The following GPC3 variants were observed in gnomAD, a reference collection of about 807,000 sequenced individuals.
The protein encoded by GPC3 is glypican 3.
In GPC3, 3 loss-of-function variants were observed where a neutral mutation model predicts 34.4. The ratio of observed to expected loss-of-function variants is 0.09; its 90% confidence interval spans 0.04 to 0.23. GPC3 has a LOEUF of 0.23. Ranked by LOEUF, GPC3 falls within the 10% of genes least tolerant of loss-of-function variation. GPC3 has a pLI of 1.00. For synonymous variants in GPC3, 177 were observed against 174.0 expected (o/e 1.02, Z -0.13); for missense variants, 351 against 445.6 (o/e 0.79, Z 1.91).
chrX:133,908,968 C>G (rs1299047326), intron 2 of GPC3, among the ~76,000 whole-genome samples: 1 of 111,880 alleles, frequency 8.9e-6, no homozygotes, highest in Non-Finnish European at 1.9e-5. Flanking sequence ...AGTCTGTCAT[C>G]CTATATATTG....
At chrX:133,536,845 T>C (rs1162029480) in intron 7 of GPC3, among the ~76,000 whole-genome samples, 2 of 111,157 alleles carry the variant, frequency 1.8e-5, no homozygotes, top group Non-Finnish European at 3.8e-5. Flanking sequence ...TGAGGATAGG[T>C]AGTTTGCTGT....
intron 5 of GPC3, among the ~76,000 whole-genome samples, chrX:133,663,939 A>G (rs1333020909): frequency 8.9e-6 from 1 of 112,435 alleles, no homozygotes. Flanking sequence ...TGTGTGTGAA[A>G]TGAATTTCTG....
intron 1 of GPC3, among the ~76,000 whole-genome samples, chrX:133,961,129 T>G (rs2076439374): frequency 1.8e-5 from 2 of 111,837 alleles, no homozygotes; most frequent in African/African-American, 6.5e-5. Flanking sequence ...AAGTGATGAT[T>G]GCTGGCGAAA....
chrX:133,850,711 T>C (rs2075869886), intron 2 of GPC3, among the ~76,000 whole-genome samples: 1 of 111,523 alleles, frequency 9.0e-6, no homozygotes, highest in African/African-American at 3.3e-5. Context: ...GTCCCAAGAA[T>C]GTACTCTGGG....
At chrX:133,953,268 A>C in intron 1 of GPC3, 57 bp from the exon 2 acceptor site, 1 of 973,934 alleles carries the variant, frequency 1.0e-6, no homozygotes, top group Non-Finnish European at 1.5e-6. Flanking sequence ...TCACACACCC[A>C]CACCCACACC....
chrX:133,888,738 T>C (rs1246391888), intron 2 of GPC3, among the ~76,000 whole-genome samples: 1 of 112,501 alleles, frequency 8.9e-6, no homozygotes, highest in Non-Finnish European at 1.9e-5. Flanking sequence ...AATTCTTAGC[T>C]TCAATCCAAC....
At chrX:133,983,551 T>C (rs1389430750) in intron 1 of GPC3, among the ~76,000 whole-genome samples, 1 of 111,582 alleles carries the variant, frequency 9.0e-6, no homozygotes, top group Non-Finnish European at 1.9e-5. Context: ...TATCTGTGCT[T>C]TCTTCTGGCC....
At chrX:133,718,331 T>C (rs1244402385) in intron 3 of GPC3, among the ~76,000 whole-genome samples, 1 of 111,718 alleles carries the variant, frequency 9.0e-6, no homozygotes, top group Non-Finnish European at 1.9e-5. Context: ...AAAAGGGATT[T>C]ACATGCTATT....
intron 7 of GPC3, 110 bp downstream of exon 7, chrX:133,596,330 T>C: frequency 1.5e-6 from 1 of 686,132 alleles, no homozygotes. Context: ...GTTGATGAGA[T>C]TGTGTGTTGC....
chrX:133,829,230 AT>A (rs1176591795), intron 2 of GPC3, among the ~76,000 whole-genome samples: 1 of 112,353 alleles, frequency 8.9e-6, no homozygotes, highest in African/African-American at 3.2e-5. Flanking sequence ...AGACAAAAAA[AT>A]TTTATAACGG....
intron 2 of GPC3, among the ~76,000 whole-genome samples, chrX:133,801,950 A>G (rs1436614845): frequency 1.8e-5 from 2 of 112,088 alleles, no homozygotes; most frequent in Non-Finnish European, 3.8e-5. Context: ...TAGTGAGAAA[A>G]TGCAACTGAG....
intron 3 of GPC3, among the ~76,000 whole-genome samples, chrX:133,728,315 C>A (rs773170673): frequency 2.8e-5 from 3 of 106,476 alleles, no homozygotes; most frequent in Non-Finnish European, 5.8e-5. Context: ...TCTGCTCTTA[C>A]CAGTGCATTT....
intron 7 of GPC3, among the ~76,000 whole-genome samples, chrX:133,559,187 G>A (rs1013532659): frequency 8.1e-5 from 9 of 110,522 alleles, no homozygotes; most frequent in African/African-American, 2.6e-4. Context: ...TCACAGGCGT[G>A]AGCCACCATG....
intron 4 of GPC3, among the ~76,000 whole-genome samples, chrX:133,694,104 A>G (rs1245365834): frequency 9.0e-6 from 1 of 110,995 alleles, no homozygotes; most frequent in Non-Finnish European, 1.9e-5. Flanking sequence ...TTTTCTTGAT[A>G]AATCATCCAG....
At chrX:133,957,971 C>T (rs1418316231) in intron 1 of GPC3, among the ~76,000 whole-genome samples, 1 of 111,413 alleles carries the variant, frequency 9.0e-6, no homozygotes, top group East Asian at 2.8e-4. Context: ...AGGTTCAGCT[C>T]TTTAGGGCTT....
intron 2 of GPC3, among the ~76,000 whole-genome samples, chrX:133,825,667 C>G (rs1187079269): frequency 9.0e-6 from 1 of 111,671 alleles, no homozygotes; most frequent in Non-Finnish European, 1.9e-5. Context: ...CTTTGGAAAT[C>G]TTAGACATAT....
chrX:133,873,099 C>T (rs1311840753), intron 2 of GPC3, among the ~76,000 whole-genome samples: 1 of 112,126 alleles, frequency 8.9e-6, no homozygotes, highest in African/African-American at 3.2e-5. Context: ...TTTATACCCT[C>T]ATAAAGTAGC....
chrX:133,733,110 A>G (rs1478583855), intron 3 of GPC3, among the ~76,000 whole-genome samples: 1 of 111,240 alleles, frequency 9.0e-6, no homozygotes, highest in African/African-American at 3.3e-5. Context: ...AGCCATTGAA[A>G]GGAACGAAAT....
intron 2 of GPC3, among the ~76,000 whole-genome samples, chrX:133,900,797 CACT>C (rs1257628208): frequency 1.8e-5 from 2 of 111,371 alleles, no homozygotes; most frequent in Non-Finnish European, 3.8e-5. Flanking sequence ...GAGCAACCAC[CACT>C]GAGTGAAATG....
Sources: allele counts gnomAD v4.1 joint callset (sites outside exome capture counted in the v4.1 genomes callset), GRCh38; gene constraint gnomAD v4.1.1; transcripts MANE v1.5; gene names NCBI Gene and HGNC (gene_info 2026-07-23, HGNC 2026-07-21).